CACNA2D1: variants seen among roughly 807,000 people sequenced by gnomAD.
The protein encoded by CACNA2D1 is calcium voltage-gated channel auxiliary subunit alpha2delta 1.
Under a neutral mutation model 171.5 loss-of-function variants are expected in CACNA2D1, and 53 were observed. The observed-to-expected ratio is 0.31, with a 90% CI of 0.25 to 0.39. The LOEUF (loss-of-function observed/expected upper bound fraction) is 0.39. CACNA2D1 is among the 10% of genes least tolerant of loss of function. CACNA2D1 has a pLI of 1.00. For missense variants in CACNA2D1, 903 were observed against 1,299.8 expected, an observed-to-expected ratio of 0.69 and a Z score of 4.69; for synonymous variants, 442 against 443.1, an observed-to-expected ratio of 1.00 and a Z score of 0.03.
At chr7:82,396,060 T>G (rs989168542) in intron 1 of CACNA2D1, among the ~76,000 whole-genome samples, 1 of 152,232 alleles carries the variant, frequency 6.6e-6, no homozygotes, top group African/African-American at 2.4e-5. Context: ...AATTACCAGT[T>G]AAAATGTTCC....
chr7:82,386,427 T>G (rs1824386105), intron 1 of CACNA2D1, among the ~76,000 whole-genome samples: 1 of 152,142 alleles, frequency 6.6e-6, no homozygotes, highest in South Asian at 2.1e-4. Flanking sequence ...TATCATAGCC[T>G]TCTAGAGCCA....
chr7:82,051,975 C>T (rs926684720), intron 10 of CACNA2D1, among the ~76,000 whole-genome samples: 28 of 152,084 alleles, frequency 1.8e-4, no homozygotes, highest in African/African-American at 5.3e-4. Flanking sequence ...AATGATGCAG[C>T]GTTAGTTCTG....
At chr7:82,342,287 T>C (rs1818767592) in intron 2 of CACNA2D1, among the ~76,000 whole-genome samples, 1 of 152,158 alleles carries the variant, frequency 6.6e-6, no homozygotes, top group South Asian at 2.1e-4. Flanking sequence ...CTATTCCCCT[T>C]CACCACAAGG....
chr7:82,139,870 T>C (rs990548642), intron 4 of CACNA2D1, among the ~76,000 whole-genome samples: 2 of 151,514 alleles, frequency 1.3e-5, no homozygotes, highest in South Asian at 2.1e-4. Flanking sequence ...CTGCAAATTC[T>C]GCCTCCTGGG....
intron 5 of CACNA2D1, among the ~76,000 whole-genome samples, chr7:82,126,565 C>T (rs1185182167): frequency 1.3e-5 from 2 of 152,038 alleles, no homozygotes; most frequent in Non-Finnish European, 1.5e-5. Flanking sequence ...GCCCAATTTC[C>T]TCAAAGAATT....
intron 22 of CACNA2D1, 26 bp from the exon 23 acceptor site, chr7:81,983,360 A>G (rs1584285243): frequency 2.5e-6 from 4 of 1,601,332 alleles, no homozygotes; most frequent in Non-Finnish European, 3.4e-6. Context: ...AGAAAGAGAA[A>G]GCAGGGAAAC....
intron 7 of CACNA2D1, among the ~76,000 whole-genome samples, chr7:82,073,103 G>A (rs1446413371): frequency 6.6e-6 from 1 of 151,980 alleles, no homozygotes; most frequent in Non-Finnish European, 1.5e-5. Flanking sequence ...AACTTTCTAG[G>A]AATCTAAAAA....
At chr7:82,124,202 T>C (rs1201379690) in intron 5 of CACNA2D1, among the ~76,000 whole-genome samples, 1 of 152,132 alleles carries the variant, frequency 6.6e-6, no homozygotes, top group Non-Finnish European at 1.5e-5. Context: ...GAATAGGGTT[T>C]AGAGGCAGGG....
intron 1 of CACNA2D1, among the ~76,000 whole-genome samples, chr7:82,430,181 C>A (rs1829553334): frequency 6.6e-6 from 1 of 151,930 alleles, no homozygotes; most frequent in African/African-American, 2.4e-5. Context: ...CTTTGGGAAG[C>A]CGAGGCAGGC....
At chr7:82,038,738 G>A (rs1362872048) in intron 10 of CACNA2D1, among the ~76,000 whole-genome samples, 1 of 152,152 alleles carries the variant, frequency 6.6e-6, no homozygotes, top group Non-Finnish European at 1.5e-5. Context: ...GAGGCTAACA[G>A]AGGAAAGCAA....
chr7:81,962,114 C>A, intron 35 of CACNA2D1, 91 bp from the exon 36 acceptor site: 2 of 1,257,222 alleles, frequency 1.6e-6, no homozygotes, highest in Non-Finnish European at 2.3e-6. Context: ...TCTCACAGAG[C>A]AAAATAAACG....
At chr7:81,989,425 A>G (rs1034496621) in intron 21 of CACNA2D1, among the ~76,000 whole-genome samples, 9 of 152,180 alleles carry the variant, frequency 5.9e-5, no homozygotes, top group African/African-American at 1.7e-4. Flanking sequence ...TACAGATGCA[A>G]GTAGTTATGT....
intron 3 of CACNA2D1, among the ~76,000 whole-genome samples, chr7:82,294,661 T>C (rs1422585550): frequency 6.6e-6 from 1 of 152,108 alleles, no homozygotes; most frequent in Non-Finnish European, 1.5e-5. Flanking sequence ...GAGGAATCCC[T>C]GCAACAAAAC....
intron 3 of CACNA2D1, among the ~76,000 whole-genome samples, chr7:82,308,067 C>T (rs1457750558): frequency 1.3e-5 from 2 of 152,164 alleles, no homozygotes; most frequent in Admixed American, 6.5e-5. Context: ...CCTCTGTTGA[C>T]TTCCTTTCTT....
chr7:82,117,552 G>A lies in CACNA2D1; in HGVS notation c.397-379C>T, dbSNP rs541936540. Among the ~76,000 whole-genome samples, 10 of 152,302 alleles carry A rather than the reference G, an allele frequency of 6.6e-5. No individual in the cohort carries two copies. In the South Asian group the frequency reaches 1.9e-3, roughly 28 times the overall value. On this transcript the variant is annotated intron_variant, in intron 5 of 38. Transcript: ENST00000356860. The stretch of plus-strand genomic sequence containing the variant: ...TGTAATCCCAGCACTTTGGGAGGAA[G>A]AGGGGGGCAGATCACTTGAGCCCAG...
chr7:81,956,403 CTTTTGAATCAA>C (rs1413765658), intron 38 of CACNA2D1, among the ~76,000 whole-genome samples: 2 of 151,826 alleles, frequency 1.3e-5, no homozygotes. Flanking sequence ...CAGAAGTAAG[CTTTTGAATCAA>C]AAGGGAAAAT....
chr7:82,239,089 C>T (rs910952932), intron 3 of CACNA2D1, among the ~76,000 whole-genome samples: 1 of 152,000 alleles, frequency 6.6e-6, no homozygotes, highest in Non-Finnish European at 1.5e-5. Flanking sequence ...CTGTGCTTAT[C>T]TTTACAATGA....
chr7:82,294,573 TAA>T (rs766918224), intron 3 of CACNA2D1, among the ~76,000 whole-genome samples: 1 of 152,136 alleles, frequency 6.6e-6, no homozygotes, highest in South Asian at 2.1e-4. Flanking sequence ...TGGTTAATGA[TAA>T]GTCATGTCAT....
intron 5 of CACNA2D1, among the ~76,000 whole-genome samples, chr7:82,130,361 C>T (rs258696): frequency 1.3e-5 from 2 of 151,444 alleles, no homozygotes; most frequent in Non-Finnish European, 2.9e-5. Context: ...AGTTTCTGCA[C>T]GGTATTAAAC....
Sources: gnomAD v4.1 joint callset for allele counts (sites outside exome capture counted in the v4.1 genomes callset) on GRCh38, gnomAD v4.1.1 for gene constraint, MANE v1.5 for transcripts, NCBI Gene and HGNC (gene_info 2026-07-23, HGNC 2026-07-21) for gene names.